BARX1: variants seen among roughly 807,000 people sequenced by gnomAD.
BARX1 encodes BARX homeobox 1.
BARX1 carries 10 observed loss-of-function variants against 19.6 expected under a neutral mutation model. The observed-to-expected ratio is 0.51, with a 90% CI of 0.31 to 0.86. BARX1 has a LOEUF of 0.86. Among genes scored for constraint, BARX1 ranks in the 40% least tolerant of loss-of-function variants. The pLI is 0.04. For synonymous variants in BARX1, 177 were observed against 170.0 expected, an observed-to-expected ratio of 1.04 and a Z score of -0.32; for missense variants, 309 against 360.4, an observed-to-expected ratio of 0.86 and a Z score of 1.15.
At chr9:93,954,085 G>A (rs780778694) in intron 1 of BARX1, among the ~76,000 whole-genome samples, 2 of 152,222 alleles carry the variant, frequency 1.3e-5, no homozygotes, top group Non-Finnish European at 2.9e-5. Context: ...TAAATGTGGG[G>A]CAGAGGACCC....
intron 1 of BARX1, among the ~76,000 whole-genome samples, chr9:93,954,152 G>A (rs1024410780): frequency 2.0e-5 from 3 of 152,222 alleles, no homozygotes; most frequent in Non-Finnish European, 4.4e-5. Context: ...AAGCGAGGGA[G>A]GCCGACCGGC....
Position 93,954,029 on chromosome 9 carries a change from G to T in BARX1, c.224-842C>A, listed in dbSNP as rs1215236934. 2.6e-5 allele frequency among the ~76,000 whole-genome samples: 4 copies of T among 152,196 alleles called. No homozygotes were observed. In the South Asian group the frequency reaches 8.3e-4, roughly 31 times the overall value. ...CCCGACAGGCCTGTCACTGAGGTGC[G>T]AGTCCTAGCCTGGCTGGAGTCGGAA... On this transcript the variant is annotated intron_variant, in intron 1 of 3. Transcript: ENST00000253968.
chr9:93,953,473 T>C (rs1373760104), intron 1 of BARX1: 2 of 444,370 alleles, frequency 4.5e-6, no homozygotes, highest in Non-Finnish European at 7.8e-6. Flanking sequence ...ATGAACATGT[T>C]TGCAGCTGCG....
rs1829105186 is a variant in BARX1, at chr9:93,951,844, G to C, written c.*320C>G. Reference sequence around the variant, plus strand: ...CCGGCCGGGAGGGCAGGCCCCAGACGGGGTGGGGGTGCAGGCGAGGAGCGG... The same window carrying C: ...CCGGCCGGGAGGGCAGGCCCCAGACCGGGTGGGGGTGCAGGCGAGGAGCGG... On this transcript the variant is annotated 3_prime_UTR_variant, in exon 4 of 4. Transcript: ENST00000253968. 7.1e-6 allele frequency: 2 copies of C among 282,418 alleles called. No individual in the cohort carries two copies. The highest frequency in any genetic ancestry group is 4.7e-5 in the Admixed American group (1 of 21,494). 17.5% of individuals were successfully genotyped at this position (282,418 alleles called of 1,614,324 possible).
Position 93,953,039 on chromosome 9 carries a change from G to A in BARX1, c.372C>T (p.Arg124=). The change falls in exon 2 of 4, where the codon CGC becomes CGT. Residue 124 remains arginine (R), a synonymous_variant. Transcript: ENST00000253968. The stretch of plus-strand genomic sequence containing the variant: ...CAGGGCCTGCCGCCTCCAGCTTCCC[G>A]CGGAGCTGCAACTCGAGCGGCAGGT... The part of the protein sequence containing the change: ...APHLPLELQL[R]GKLEAAGPGE... The A allele has an allele frequency of 6.4e-7, 1 of 1,572,600 alleles. No individual in the cohort carries two copies. Among genetic ancestry groups the A allele is most frequent in the African/African-American group, 1.4e-5 (1 of 73,850 alleles).
At position 93,952,209 on chromosome 9, in the gene BARX1, C is replaced by G. The variant is rs11793856; in HGVS notation, c.720G>C (p.Pro240=). The G allele has an allele frequency of 0.26, 425,757 of 1,610,584 alleles. 58,215 individuals are homozygous for G. The highest frequency in any genetic ancestry group is 0.31 in the Admixed American group (18,562 of 59,960). ...EQERAKDAEK[P]AEVPGEPSDR... ...CGCTGGGCTCGCCCGGCACCTCCGC[C>G]GGTTTCTCTGCATCCTTGGCGCGCT... The change falls in exon 4 of 4, where the codon CCG becomes CCC. Residue 240 remains proline (P), a synonymous_variant. Coordinates refer to ENST00000253968, the MANE Select transcript of BARX1 (RefSeq NM_021570.4).
Position 93,953,005 on chromosome 9 carries a change from C to G in BARX1, c.406G>C (p.Gly136Arg). 1 of 1,573,458 alleles carries G rather than the reference C, an allele frequency of 6.4e-7. No individual in the cohort carries two copies. Among genetic ancestry groups the G allele is most frequent in the Non-Finnish European group, 8.6e-7 (1 of 1,160,026 alleles). Reference sequence around the variant, plus strand: ...CGACGCCCCTTCTTGGCTTTGGTGCCTGGCTCCCCAGGGCCTGCCGCCTCC... The same window carrying G: ...CGACGCCCCTTCTTGGCTTTGGTGCGTGGCTCCCCAGGGCCTGCCGCCTCC... Reference protein sequence around the residue: ...KLEAAGPGEPGTKAKKGRRSR... With the variant: ...KLEAAGPGEPRTKAKKGRRSR... The change falls in exon 2 of 4, where the codon GGC becomes CGC. Residue 136 changes from glycine (G) to arginine (R), a missense_variant. Physicochemically the swap from Gly to Arg is moderately radical, Grantham distance 125. Transcript: ENST00000253968.
chr9:93,953,166 G>A lies in BARX1; in HGVS notation c.245C>T (p.Ala82Val). The A allele has an allele frequency of 6.6e-7, 1 of 1,521,942 alleles. No individual in the cohort carries two copies. The highest frequency in any genetic ancestry group is 8.7e-7 in the Non-Finnish European group (1 of 1,144,640). The allele number at this position is 1,521,942 out of a possible 1,614,324, so 94.3% of individuals were successfully genotyped here. A position where few individuals can be genotyped will look rare whatever the true frequency, so the allele number is the denominator to read the frequency against. The stretch of plus-strand genomic sequence containing the variant: ...CGCCAGTGGGAACTTGAACACCGCC[G>A]CCTGCTCGGCCTTCAGCACGGCTGC... ...SHLAVLKAEQAAVFKFPLAPL... is the reference protein window; with the variant it reads ...SHLAVLKAEQVAVFKFPLAPL... Residue 82 changes from alanine to valine, a missense_variant, in exon 2 of 4, where the codon GCG becomes GTG. This residue lies in a region of BARX1 where 204 missense variants were observed against 206.8 expected (regional missense o/e 0.99). Transcript: ENST00000253968.
Position 93,953,171 on chromosome 9 carries a change from C to T in BARX1, c.240G>A (p.Glu80=). 1 of 1,521,548 alleles carries T rather than the reference C, an allele frequency of 6.6e-7. No homozygotes were observed. Among genetic ancestry groups the T allele is most frequent in the African/African-American group, 1.4e-5 (1 of 71,684 alleles). The allele number at this position is 1,521,548 out of a possible 1,614,324, so 94.3% of individuals were successfully genotyped here. A position where few individuals can be genotyped will look rare whatever the true frequency, so the allele number is the denominator to read the frequency against. Residue 80 remains glutamate, a synonymous_variant, in exon 2 of 4, where the codon GAG becomes GAA. Transcript: ENST00000253968. ...GTGGGAACTTGAACACCGCCGCCTG[C>T]TCGGCCTTCAGCACGGCTGCGAAGA... The part of the protein sequence containing the change: ...FHSHLAVLKA[E]QAAVFKFPLA...
intron 3 of BARX1, 90 bp from the exon 4 acceptor site, chr9:93,952,418 C>T: frequency 6.7e-7 from 1 of 1,487,210 alleles, no homozygotes; most frequent in South Asian, 1.2e-5. Context: ...CTAAGGAGTG[C>T]AGGGTCCATA....
At position 93,952,068 on chromosome 9, in the gene BARX1, ACTT is replaced by A; in HGVS notation, c.*93_*95del. 1 of 1,451,150 alleles carries A rather than the reference ACTT, an allele frequency of 6.9e-7. No homozygotes were observed. The highest frequency in any genetic ancestry group is 9.2e-7 in the Non-Finnish European group (1 of 1,085,076). The allele number at this position is 1,451,150 out of a possible 1,614,324, so 89.9% of individuals were successfully genotyped here. ...CATAATAAAAAGGCTTAGGAAGTAA[ACTT>A]CTTGGACGCGGAAGGGCCGGCTCGC... On this transcript the variant is annotated 3_prime_UTR_variant, in exon 4 of 4. Transcript: ENST00000253968.
At position 93,954,991 on chromosome 9, in the gene BARX1, C is replaced by A; in HGVS notation, c.156G>T (p.Ala52=). The change falls in exon 1 of 4, where the codon GCG becomes GCT. Residue 52 remains alanine, a synonymous_variant. Transcript: ENST00000253968. ...KGAAPAAAAA[A]AGELLKFGVQ... is the part of the protein sequence containing the mutation. ...CGCCGAACTTCAGCAGCTCGCCCGC[C>A]GCGGCAGCGGCGGCTGCGGGCGCGG... 1.4e-6 allele frequency: 2 copies of A among 1,399,786 alleles called. No homozygotes were observed. The highest frequency in any genetic ancestry group is 1.9e-6 in the Non-Finnish European group (2 of 1,078,328). 86.7% of individuals were successfully genotyped at this position (1,399,786 alleles called of 1,614,324 possible).
chr9:93,953,017 G>C lies in BARX1; in HGVS notation c.394C>G (p.Pro132Ala). 1.9e-6 allele frequency: 3 copies of C among 1,573,990 alleles called. No homozygotes were observed. The South Asian group carries it at 3.5e-5, about 18-fold the overall frequency. ...QLRGKLEAAG[P>A]GEPGTKAKKG... ...TTGGCTTTGGTGCCTGGCTCCCCAGGGCCTGCCGCCTCCAGCTTCCCGCGG... is the reference window on the plus strand; with the variant it reads ...TTGGCTTTGGTGCCTGGCTCCCCAGCGCCTGCCGCCTCCAGCTTCCCGCGG... The change falls in exon 2 of 4, where the codon CCT becomes GCT. Residue 132 changes from proline (P) to alanine (A), a missense_variant. Physicochemically the swap from Pro to Ala is conservative, Grantham distance 27. Coordinates refer to ENST00000253968, the MANE Select transcript of BARX1 (RefSeq NM_021570.4).
intron 1 of BARX1, 175 bp from the exon 2 acceptor site, chr9:93,953,362 G>T: frequency 2.8e-6 from 2 of 703,124 alleles, no homozygotes; most frequent in Non-Finnish European, 2.2e-6. Flanking sequence ...CCTCAACGTT[G>T]CCGTTCCCCA....
chr9:93,953,374 A>C, intron 1 of BARX1, 187 bp from the exon 2 acceptor site: 1 of 636,658 alleles, frequency 1.6e-6, no homozygotes. Context: ...CGTTCCCCAG[A>C]TTTGGGAGGG....
At chr9:93,953,632 CCG>C (rs1184396632) in intron 1 of BARX1, among the ~76,000 whole-genome samples, 1 of 152,248 alleles carries the variant, frequency 6.6e-6, no homozygotes, top group Admixed American at 6.5e-5. Flanking sequence ...ATTTGCTCTT[CCG>C]TGCGTGGCAC....
intron 1 of BARX1, among the ~76,000 whole-genome samples, chr9:93,954,706 G>A (rs1190327162): frequency 6.6e-6 from 1 of 152,192 alleles, no homozygotes; most frequent in Non-Finnish European, 1.5e-5. Flanking sequence ...CACCCTCCCC[G>A]GGCGGCCCGC....
In BARX1 at chr9:93,955,170, C is replaced by T; in HGVS notation, c.-24G>A. 1 of 1,020,304 alleles carries T rather than the reference C, an allele frequency of 9.8e-7. No homozygotes were observed. The allele number at this position is 1,020,304 out of a possible 1,614,324, so 63.2% of individuals were successfully genotyped here. A position where few individuals can be genotyped will look rare whatever the true frequency, so the allele number is the denominator to read the frequency against. ...ATCGCGGCGCCCACTGCTGCGCCCG[C>T]GGTTTGGCGGCGGCGGCGGCGACGG... is the stretch of plus-strand genomic sequence containing the variant. On this transcript the variant is annotated 5_prime_UTR_variant, in exon 1 of 4. Transcript: ENST00000253968. The surrounding 1 kb of genome is among the most constrained non-coding windows in gnomAD (Gnocchi z 4.4).
intron 1 of BARX1, among the ~76,000 whole-genome samples, chr9:93,953,765 T>A (rs1017837714): frequency 6.6e-6 from 1 of 152,252 alleles, no homozygotes; most frequent in African/African-American, 2.4e-5. Context: ...CGCTTCCCCA[T>A]GCAGATGTTT....
Sources: gnomAD v4.1 joint callset for allele counts (sites outside exome capture counted in the v4.1 genomes callset) on GRCh38, gnomAD v4.1.1 for gene constraint, gnomAD v4.1.1 regional missense constraint, Gnocchi (gnomAD v3.1) non-coding constraint, MANE v1.5 for transcripts, NCBI Gene and HGNC (gene_info 2026-07-23, HGNC 2026-07-21) for gene names.